Variants in KIRREL3 observed in about 807,000 individuals in gnomAD.
KIRREL3 encodes the protein kin of IRRE-like protein 3.
KIRREL3 carries 36 observed loss-of-function variants against 89.7 expected under a neutral mutation model. The ratio of observed to expected loss-of-function variants is 0.40; its 90% CI spans 0.31 to 0.53. KIRREL3 has a LOEUF of 0.53. KIRREL3 is among the 20% of genes least tolerant of loss of function. The pLI is 0.49. For missense variants in KIRREL3, 864 were observed against 1,056.6 expected (o/e 0.82, Z 2.53); for synonymous variants, 445 against 441.4 (o/e 1.01, Z -0.10).
At position 126,550,290 on chromosome 11, in the gene KIRREL3, T is replaced by C. The variant is rs568986487; in HGVS notation, c.133+12545A>G. The C allele has an allele frequency of 6.6e-6, 1 of 152,314 alleles. No individual in the cohort carries two copies. Among genetic ancestry groups the C allele is most frequent in the African/African-American group, 2.4e-5 (1 of 41,556 alleles). 9.4% of individuals were successfully genotyped at this position (152,314 alleles called of 1,614,324 possible). On this transcript the variant is annotated intron_variant, in intron 2 of 16. Coordinates refer to ENST00000525144, the MANE Select transcript of KIRREL3 (RefSeq NM_032531.4). The surrounding 1 kb of genome is among the most constrained non-coding windows in gnomAD (Gnocchi z 4.9). Reference sequence around the variant, plus strand: ...TTCTGGCCTGGAGAATCTGTAATGATAGGGGTCTAAGCCTGCCCTGACTAC... The same window carrying C: ...TTCTGGCCTGGAGAATCTGTAATGACAGGGGTCTAAGCCTGCCCTGACTAC...
At chr11:126,855,631 A>G (rs1419155476) in intron 1 of KIRREL3, among the ~76,000 whole-genome samples, 1 of 152,166 alleles carries the variant, frequency 6.6e-6, no homozygotes, top group African/African-American at 2.4e-5. Context: ...CATGTGTGAG[A>G]CTCAGTGAGA....
intron 1 of KIRREL3, among the ~76,000 whole-genome samples, chr11:126,632,772 G>GTATGCAGCAACGATAT (rs1944094036): frequency 3.5e-5 from 1 of 28,822 alleles, no homozygotes; most frequent in African/African-American, 1.5e-4. Flanking sequence ...CCAATGCCCA[G>GTATGCAGCAACGATAT]GCACTTGGAG....
intron 1 of KIRREL3, among the ~76,000 whole-genome samples, chr11:126,902,300 A>G (rs75190969): frequency 3.5e-4 from 53 of 152,344 alleles, no homozygotes; most frequent in African/African-American, 1.2e-3. Flanking sequence ...GAGGTGGCAC[A>G]CACTTTCGTG....
intron 1 of KIRREL3, among the ~76,000 whole-genome samples, chr11:126,654,356 T>TCC: frequency 7.0e-6 from 1 of 141,972 alleles, no homozygotes; most frequent in African/African-American, 2.5e-5. Context: ...TTTTTTTTTT[T>TCC]CACAGCATAT....
chr11:126,869,939 G>A (rs774364219), intron 1 of KIRREL3, among the ~76,000 whole-genome samples: 1 of 152,206 alleles, frequency 6.6e-6, no homozygotes, highest in Non-Finnish European at 1.5e-5. Context: ...CTAGAACCTT[G>A]TAATGGGTTC....
chr11:126,541,013 C>T lies in KIRREL3; in HGVS notation c.134-14326G>A, dbSNP rs181737538. On this transcript the variant is annotated intron_variant, in intron 2 of 16. Transcript: ENST00000525144. This position sits in a 1 kb window ranked among gnomAD's most constrained non-coding sequence, Gnocchi z 4.8. ...CTAAGGGGCAGGGATGGAACTATGC[C>T]ATTAGCTCAAGAGGGAGCTGCAGGC... Among the ~76,000 whole-genome samples the T allele has an allele frequency of 3.6e-4, 55 of 152,272 alleles. No homozygotes were observed. The highest frequency in any genetic ancestry group is 1.3e-3 in the African/African-American group (53 of 41,558).
At chr11:126,450,544 T>C (rs2134208972) in intron 7 of KIRREL3, among the ~76,000 whole-genome samples, 1 of 150,780 alleles carries the variant, frequency 6.6e-6, no homozygotes, top group African/African-American at 2.4e-5. Context: ...TGCATGTGTG[T>C]CAATGTGCAT....
chr11:126,448,925 T>G, intron 8 of KIRREL3, 84 bp downstream of exon 8: 1 of 1,392,766 alleles, frequency 7.2e-7, no homozygotes, highest in Non-Finnish European at 9.6e-7. Flanking sequence ...TTGTGTGCAA[T>G]GAATCTAGCC....
chr11:126,509,451 T>C (rs1002364757), intron 4 of KIRREL3, among the ~76,000 whole-genome samples: 1 of 152,220 alleles, frequency 6.6e-6, no homozygotes, highest in Non-Finnish European at 1.5e-5. Flanking sequence ...CTCTGAGACA[T>C]TATTTTAGCT....
chr11:126,621,410 A>T (rs1256096588), intron 1 of KIRREL3, among the ~76,000 whole-genome samples: 4 of 152,154 alleles, frequency 2.6e-5, no homozygotes, highest in Admixed American at 1.3e-4. Context: ...GAAGTGGAAG[A>T]ATGTTCTGAA....
intron 1 of KIRREL3, among the ~76,000 whole-genome samples, chr11:126,928,732 T>G (rs181149857): frequency 6.6e-6 from 1 of 152,320 alleles, no homozygotes; most frequent in Admixed American, 6.5e-5. Flanking sequence ...ATGTAGAGTT[T>G]TATTTTTTTT....
At chr11:126,934,606 G>A (rs991397093) in intron 1 of KIRREL3, among the ~76,000 whole-genome samples, 1 of 152,088 alleles carries the variant, frequency 6.6e-6, no homozygotes, top group African/African-American at 2.4e-5. Context: ...TAATAAGTAA[G>A]TAATGCCATT....
At position 126,927,886 on chromosome 11, in the gene KIRREL3, T is replaced by C. The variant is rs145803587; in HGVS notation, c.55+72569A>G. ...GAGGTCCTGCACATCCACCTTGCAA[T>C]TCACTTAGGCTTTGCCACTTTGGGG... On this transcript the variant is annotated intron_variant, in intron 1 of 16. Coordinates refer to ENST00000525144, the MANE Select transcript of KIRREL3 (RefSeq NM_032531.4). 7.2e-3 allele frequency among the ~76,000 whole-genome samples: 1,091 copies of C among 152,344 alleles called. 18 individuals carry two copies. The highest frequency in any genetic ancestry group is 0.024 in the African/African-American group (1,014 of 41,578).
rs1245520834 is a variant in KIRREL3 at position 126,723,671 on chromosome 11, A to T, written c.56-160759T>A. ...AAAGCAGTGACTGTGTCATTCTTTT[A>T]TATTCCTAGTACCTAGACCATGATG... On this transcript the variant is annotated intron_variant, in intron 1 of 16. Transcript: ENST00000525144. This position sits in a 1 kb window ranked among gnomAD's most constrained non-coding sequence, Gnocchi z 4.0. Among the ~76,000 whole-genome samples the T allele has an allele frequency of 6.6e-6, 1 of 152,224 alleles. No homozygotes were observed. The highest frequency in any genetic ancestry group is 6.5e-5 in the Admixed American group (1 of 15,282).
chr11:126,814,686 C>T lies in KIRREL3; in HGVS notation c.55+185769G>A, dbSNP rs558304868. 2.0e-5 allele frequency among the ~76,000 whole-genome samples: 3 copies of T among 152,256 alleles called. No homozygotes were observed. In the South Asian group the frequency reaches 6.2e-4, roughly 32 times the overall value. On this transcript the variant is annotated intron_variant, in intron 1 of 16. Transcript: ENST00000525144. This position sits in a 1 kb window ranked among gnomAD's most constrained non-coding sequence, Gnocchi z 4.4. ...CACAGGAACAGAAAACCAAACACTG[C>T]ATGTTCTCACTTCTAAGTAGGAGCT...
rs564977779 is a variant in KIRREL3, at chr11:126,522,586, C to T, written c.284-1122G>A. Reference sequence around the variant, plus strand: ...AAGTTTGAGAATATAAATCATTAATCAGCGTTCCTGCTGCTGTGTAGGGTT... The same window carrying T: ...AAGTTTGAGAATATAAATCATTAATTAGCGTTCCTGCTGCTGTGTAGGGTT... On this transcript the variant is annotated intron_variant, in intron 3 of 16. Transcript: ENST00000525144. The surrounding 1 kb of genome is among the most constrained non-coding windows in gnomAD (Gnocchi z 6.0). 9.8e-5 allele frequency among the ~76,000 whole-genome samples: 15 copies of T among 152,346 alleles called. No individual in the cohort carries two copies. The highest frequency in any genetic ancestry group is 7.2e-4 in the Admixed American group (11 of 15,306).
At chr11:126,702,695 C>T (rs528955214) in intron 1 of KIRREL3, among the ~76,000 whole-genome samples, 1 of 152,250 alleles carries the variant, frequency 6.6e-6, no homozygotes, top group Non-Finnish European at 1.5e-5. Context: ...CCACCCTGCA[C>T]GGACAGGGCC....
At chr11:126,859,686 G>A (rs1342893583) in intron 1 of KIRREL3, among the ~76,000 whole-genome samples, 1 of 152,182 alleles carries the variant, frequency 6.6e-6, no homozygotes, top group Non-Finnish European at 1.5e-5. Context: ...CTCAACTGGG[G>A]AAGGAACATA....
In KIRREL3 at chr11:126,427,269, T is replaced by C. The variant is rs79657947; in HGVS notation, c.1807-1545A>G. On this transcript the variant is annotated intron_variant, in intron 15 of 16. Transcript: ENST00000525144. The surrounding 1 kb of genome is among the most constrained non-coding windows in gnomAD (Gnocchi z 5.3). The stretch of plus-strand genomic sequence containing the variant: ...TGTTAATTTTAACAGTGTCAGGCCC[T>C]GTGTTAGGCCCCAGGGGAAATAGAT... Among the ~76,000 whole-genome samples the C allele has an allele frequency of 5.2e-3, 787 of 152,286 alleles. 6 individuals carry two copies. Among genetic ancestry groups the C allele is most frequent in the African/African-American group, 0.018 (740 of 41,556 alleles).
Sources: allele counts gnomAD v4.1 joint callset (sites outside exome capture counted in the v4.1 genomes callset), GRCh38; gene constraint gnomAD v4.1.1; non-coding constraint Gnocchi (gnomAD v3.1); transcripts MANE v1.5; gene names NCBI Gene and HGNC (gene_info 2026-07-23, HGNC 2026-07-21).